DNAH9: variants seen among roughly 807,000 people sequenced by gnomAD.
The protein encoded by DNAH9 is DNAH9 variant protein.
In DNAH9, 345 loss-of-function variants were observed where a neutral mutation model predicts 471.6. The observed-to-expected ratio is 0.73, with a 90% CI of 0.67 to 0.80. The LOEUF is 0.80. Ranked by LOEUF, DNAH9 falls within the 30% of genes least tolerant of loss-of-function variation. The probability of loss-of-function intolerance (pLI) is 0.00; values close to 1 mark genes in which losing one functional copy is unlikely to be tolerated. For missense variants in DNAH9, 5,407 were observed against 5,609.2 expected, an observed-to-expected ratio of 0.96 and a Z score of 1.15; for synonymous variants, 2,093 against 2,123.6, an observed-to-expected ratio of 0.99 and a Z score of 0.40.
intron 24 of DNAH9, among the ~76,000 whole-genome samples, chr17:11,703,787 A>G (rs2074645299): frequency 6.6e-6 from 1 of 152,288 alleles, no homozygotes; most frequent in Admixed American, 6.5e-5. Context: ...GGCTCACTAA[A>G]TTAGGTTGTC....
At chr17:11,635,081 C>A (rs1476431831) in intron 8 of DNAH9, among the ~76,000 whole-genome samples, 2 of 152,140 alleles carry the variant, frequency 1.3e-5, no homozygotes, top group African/African-American at 2.4e-5. Flanking sequence ...ACATTTTTTT[C>A]TACAAAAGGT....
intron 24 of DNAH9, among the ~76,000 whole-genome samples, chr17:11,701,933 C>T (rs1282892874): frequency 6.6e-6 from 1 of 152,188 alleles, no homozygotes; most frequent in East Asian, 1.9e-4. Context: ...CCGCCCACCT[C>T]GGCCTCCCAA....
intron 51 of DNAH9, among the ~76,000 whole-genome samples, chr17:11,871,366 A>G: frequency 6.6e-6 from 1 of 152,242 alleles, no homozygotes; most frequent in Admixed American, 6.5e-5. Context: ...AGCAGAGTCA[A>G]ACCCTGTCAT....
intron 17 of DNAH9, among the ~76,000 whole-genome samples, chr17:11,678,919 C>T (rs2074090163): frequency 1.3e-5 from 2 of 152,038 alleles, no homozygotes; most frequent in African/African-American, 4.8e-5. Flanking sequence ...GCATATTTTT[C>T]CTTTTTTCTC....
chr17:11,661,071 CTA>C (rs1253534615), intron 14 of DNAH9, among the ~76,000 whole-genome samples: 1 of 148,162 alleles, frequency 6.7e-6, no homozygotes, highest in Admixed American at 6.6e-5. Context: ...GTTATAATAA[CTA>C]TAAATTTCAC....
At chr17:11,855,692 T>A (rs1167525335) in intron 50 of DNAH9, among the ~76,000 whole-genome samples, 1 of 152,190 alleles carries the variant, frequency 6.6e-6, no homozygotes, top group East Asian at 1.9e-4. Flanking sequence ...TCCAACAGCT[T>A]AGATCTTGAA....
intron 26 of DNAH9, among the ~76,000 whole-genome samples, chr17:11,711,610 T>C (rs1176337897): frequency 1.3e-5 from 2 of 151,918 alleles, no homozygotes; most frequent in Admixed American, 1.3e-4. Context: ...ATTTCCACTT[T>C]CTTTTTTTTA....
At chr17:11,858,203 G>A (rs1971695911) in intron 50 of DNAH9, among the ~76,000 whole-genome samples, 1 of 152,132 alleles carries the variant, frequency 6.6e-6, no homozygotes, top group African/African-American at 2.4e-5. Flanking sequence ...CATTTTCCGT[G>A]AGCATATTAT....
In DNAH9 at chr17:11,933,300, GA is replaced by G. The variant is rs1409759346; in HGVS notation, c.12298-579del. On this transcript the variant is annotated intron_variant, in intron 64 of 68. Coordinates refer to ENST00000262442, the MANE Select transcript of DNAH9 (RefSeq NM_001372.4). The stretch of plus-strand genomic sequence containing the variant: ...ACTGTCACAGTTAAAAAGCTTGAAA[GA>G]GGGAAGGCATATATATATGGGGCGT... Among the ~76,000 whole-genome samples the G allele has an allele frequency of 3.9e-5, 6 of 152,266 alleles. No individual in the cohort carries two copies. In the East Asian group the frequency reaches 1.2e-3, roughly 29 times the overall value.
intron 49 of DNAH9, among the ~76,000 whole-genome samples, chr17:11,838,226 G>T (rs1970910638): frequency 6.6e-6 from 1 of 152,152 alleles, no homozygotes; most frequent in African/African-American, 2.4e-5. Flanking sequence ...AGCAGCATAA[G>T]CATGTTCTTT....
chr17:11,876,224 A>G (rs1316417648), intron 53 of DNAH9, among the ~76,000 whole-genome samples: 3 of 152,210 alleles, frequency 2.0e-5, no homozygotes, highest in Non-Finnish European at 4.4e-5. Context: ...TGTGATGTAC[A>G]CATGCAATGG....
chr17:11,891,910 G>A lies in DNAH9; in HGVS notation c.11246G>A (p.Cys3749Tyr), dbSNP rs748300929. ...YQYTIRGLFE[C>Y]DKLTYLAQLT... ...TACACCATCCGCGGGCTCTTTGAGT[G>A]TGATAAGCTGACCTACCTTGCCCAG... The change falls in exon 58 of 69, where the codon TGT (cysteine) becomes TAT (tyrosine). Residue 3749 changes from cysteine (C) to tyrosine (Y), a missense_variant. Cys to Tyr is a radical substitution (Grantham distance 194, BLOSUM62 -2). Transcript: ENST00000262442. 8.1e-6 allele frequency: 13 copies of A among 1,613,956 alleles called. No individual in the cohort carries two copies. The highest frequency in any genetic ancestry group is 2.7e-5 in the African/African-American group (2 of 74,908).
rs756890065 is a variant in DNAH9, at chr17:11,793,587, C to A, written c.8146C>A (p.Arg2716=). Reference sequence around the variant, plus strand: ...TCTGCATGAATCAAATCGAGTTTATCGGGATAAGATGGTAGAAGAAAAGGA... The same window carrying A: ...TCTGCATGAATCAAATCGAGTTTATAGGGATAAGATGGTAGAAGAAAAGGA... ...LYLHESNRVY[R]DKMVEEKDFD... The change falls in exon 42 of 69, where the codon CGG becomes AGG. Residue 2716 remains arginine, a synonymous_variant. Coordinates refer to ENST00000262442, the MANE Select transcript of DNAH9 (RefSeq NM_001372.4). The A allele has an allele frequency of 6.2e-7, 1 of 1,613,318 alleles. No homozygotes were observed. Among genetic ancestry groups the A allele is most frequent in the East Asian group, 2.2e-5 (1 of 44,874 alleles).
intron 49 of DNAH9, among the ~76,000 whole-genome samples, chr17:11,849,325 C>T (rs1971332528): frequency 6.6e-6 from 1 of 152,202 alleles, no homozygotes; most frequent in Non-Finnish European, 1.5e-5. Flanking sequence ...AGTGTGTCTG[C>T]ACTGCAACAA....
chr17:11,902,758 G>A lies in DNAH9; in HGVS notation c.11446G>A (p.Asp3816Asn). 1 of 1,614,066 alleles carries A rather than the reference G, an allele frequency of 6.2e-7. No homozygotes were observed. ...SMEEFSNLDR[D>N]IEGSAKSWKK... ...GGAAGAATTCTCTAATCTGGATCGG[G>A]ACATAGAGGGATCTGCTAAGAGCTG... The change falls in exon 60 of 69, where the codon GAC becomes AAC. Residue 3816 changes from aspartate (D) to asparagine (N), a missense_variant. Asp to Asn is a conservative substitution (Grantham distance 23). This residue lies in a region of DNAH9 where 4,636 missense variants were observed against 4,900.3 expected (regional missense o/e 0.95). Coordinates refer to ENST00000262442, the MANE Select transcript of DNAH9 (RefSeq NM_001372.4).
At chr17:11,666,959 G>A (rs572710725) in intron 15 of DNAH9, among the ~76,000 whole-genome samples, 1 of 152,174 alleles carries the variant, frequency 6.6e-6, no homozygotes, top group African/African-American at 2.4e-5. Context: ...CCCTGCATAG[G>A]TTATATGCTT....
In DNAH9 at chr17:11,694,777, C is replaced by T. The variant is rs865985405; in HGVS notation, c.4872+330C>T. On this transcript the variant is annotated intron_variant, in intron 22 of 68. Coordinates refer to ENST00000262442, the MANE Select transcript of DNAH9 (RefSeq NM_001372.4). ...CCTTCCTTCCTTCCTTCCTTCCTTC[C>T]TTCTTTCTTTCTTTCTTTCTTTCTT... is the stretch of plus-strand genomic sequence containing the variant. 4.0e-3 allele frequency among the ~76,000 whole-genome samples: 5 copies of T among 1,246 alleles called. 2 individuals carry two copies. Among genetic ancestry groups the T allele is most frequent in the East Asian group, 0.02 (2 of 102 alleles). The allele number at this position is 1,246 out of a possible 152,430, so 0.8% of individuals were successfully genotyped here.
At chr17:11,873,620 T>C (rs762640887) in intron 52 of DNAH9, among the ~76,000 whole-genome samples, 3 of 152,184 alleles carry the variant, frequency 2.0e-5, no homozygotes, top group Admixed American at 1.3e-4. Flanking sequence ...GAAAGCATTA[T>C]GCTAAGTGAA....
chr17:11,719,334 G>T lies in DNAH9; in HGVS notation c.5553G>T (p.Arg1851Ser), dbSNP rs1435831091. 9 of 1,613,718 alleles carry T rather than the reference G, an allele frequency of 5.6e-6. No homozygotes were observed. Among genetic ancestry groups the T allele is most frequent in the Non-Finnish European group, 6.8e-6 (8 of 1,179,900 alleles). Residue 1851 changes from arginine (R) to serine (S), a missense_variant and splice_region_variant, in exon 27 of 69, where the codon AGG becomes AGT. Arg to Ser is a moderately radical substitution (Grantham distance 110, BLOSUM62 -1). Coordinates refer to ENST00000262442, the MANE Select transcript of DNAH9 (RefSeq NM_001372.4). ...ACCTATGCCCTCCCGTGTTTGGCAG[G>T]TGCTACATCACCCTCACCCAGTCCC... ...PRLVITPLTD[R>S]CYITLTQSLH...
Sources: allele counts gnomAD v4.1 joint callset (sites outside exome capture counted in the v4.1 genomes callset), GRCh38; gene constraint gnomAD v4.1.1; regional missense constraint gnomAD v4.1.1; transcripts MANE v1.5; gene names NCBI Gene and HGNC (gene_info 2026-07-23, HGNC 2026-07-21).